Variants in HMCN1 observed in about 807,000 individuals in gnomAD.
HMCN1 encodes hemicentin-1.
Under a neutral mutation model 625.9 loss-of-function variants are expected in HMCN1, and 321 were observed. That is an observed-to-expected ratio of 0.51 (90% CI 0.47 to 0.56). The LOEUF (loss-of-function observed/expected upper bound fraction) is 0.56. HMCN1 is among the 20% of genes least tolerant of loss of function. The pLI is 0.00. For synonymous variants in HMCN1, 2,425 were observed against 2,417.6 expected (o/e 1.00, Z -0.09); for missense variants, 6,588 against 6,887.3 (o/e 0.96, Z 1.54).
intron 71 of HMCN1, among the ~76,000 whole-genome samples, chr1:186,112,463 T>C (rs1395835468): frequency 6.6e-6 from 1 of 152,196 alleles, no homozygotes; most frequent in African/African-American, 2.4e-5. Flanking sequence ...TAGGCTTAGG[T>C]CATCCTCACA....
chr1:186,150,477 T>C (rs898795116), intron 93 of HMCN1, among the ~76,000 whole-genome samples: 35 of 152,234 alleles, frequency 2.3e-4, no homozygotes, highest in African/African-American at 8.4e-4. Context: ...ATGAATTTTA[T>C]AGCACTGGCA....
intron 1 of HMCN1, among the ~76,000 whole-genome samples, chr1:185,737,219 A>G (rs1425042126): frequency 6.6e-6 from 1 of 151,646 alleles, no homozygotes; most frequent in East Asian, 1.9e-4. Flanking sequence ...CAGTAGCACT[A>G]TCATGGCTCA....
intron 23 of HMCN1, 168 bp downstream of exon 23, chr1:185,993,477 C>T (rs1459621003): frequency 1.5e-6 from 1 of 659,606 alleles, no homozygotes; most frequent in East Asian, 3.0e-5. Flanking sequence ...TCTGAAAAGT[C>T]TTCCTGCTAT....
At chr1:185,836,099 A>T (rs959174868) in intron 1 of HMCN1, among the ~76,000 whole-genome samples, 20 of 152,182 alleles carry the variant, frequency 1.3e-4, no homozygotes, top group Non-Finnish European at 5.9e-5. Context: ...TTAACAGATA[A>T]TGTCTTAAAT....
At chr1:185,907,666 T>G (rs1388890467) in intron 4 of HMCN1, among the ~76,000 whole-genome samples, 1 of 151,938 alleles carries the variant, frequency 6.6e-6, no homozygotes, top group Non-Finnish European at 1.5e-5. Context: ...TCAGATTACT[T>G]TACTTTGCCT....
intron 63 of HMCN1, among the ~76,000 whole-genome samples, chr1:186,089,148 G>T (rs752121672): frequency 6.6e-6 from 1 of 151,916 alleles, no homozygotes; most frequent in African/African-American, 2.4e-5. Context: ...TGATCTGACC[G>T]CAGGTAGATT....
chr1:186,123,187 T>A lies in HMCN1; in HGVS notation c.12466T>A (p.Ser4156Thr), dbSNP rs541990711. 6.2e-7 allele frequency: 1 copy of A among 1,613,950 alleles called. No homozygotes were observed. The highest frequency in any genetic ancestry group is 2.2e-5 in the East Asian group (1 of 44,858). The change falls in exon 81 of 107, where the codon TCA becomes ACA. Residue 4156 changes from serine (S) to threonine (T), a missense_variant. Physicochemically the swap from Ser to Thr is moderately conservative, Grantham distance 58. Coordinates refer to ENST00000271588, the MANE Select transcript of HMCN1 (RefSeq NM_031935.3). ...GTGCATGGCAGCCAATGTAGCAGGA[T>A]CAAGCAGCACAAGCACCAAGCTCAC... ...YTCMAANVAG[S>T]SSTSTKLTVH... is the part of the protein sequence containing the mutation.
chr1:185,923,350 C>T (rs1442005802), intron 7 of HMCN1, 40 bp from the exon 8 acceptor site: 3 of 1,503,296 alleles, frequency 2.0e-6, no homozygotes, highest in Non-Finnish European at 2.8e-6. Context: ...ACTTCAATTG[C>T]TTGTTTCTTG....
intron 4 of HMCN1, among the ~76,000 whole-genome samples, chr1:185,881,796 T>C (rs1279193834): frequency 6.6e-6 from 1 of 152,214 alleles, no homozygotes; most frequent in Non-Finnish European, 1.5e-5. Flanking sequence ...CATTTTCAGG[T>C]GAAGCTTCAA....
In HMCN1 at chr1:185,864,641, C is replaced by T; in HGVS notation, c.498+13C>T. On this transcript the variant is annotated intron_variant, in intron 3 of 106. Transcript: ENST00000271588. Reference sequence around the variant, plus strand: ...GAAACAGTCACAAGTGAGTAAGAATCAACCCCAAACGTCTCTGTCTAAATG... The same window carrying T: ...GAAACAGTCACAAGTGAGTAAGAATTAACCCCAAACGTCTCTGTCTAAATG... The T allele has an allele frequency of 6.2e-7, 1 of 1,612,788 alleles. No individual in the cohort carries two copies. The highest frequency in any genetic ancestry group is 8.5e-7 in the Non-Finnish European group (1 of 1,178,998).
chr1:185,751,621 C>T (rs533437089), intron 1 of HMCN1, among the ~76,000 whole-genome samples: 2 of 151,968 alleles, frequency 1.3e-5, no homozygotes, highest in African/African-American at 4.8e-5. Context: ...CTTCATAAAA[C>T]CTTGTTAAGT....
chr1:186,103,907 T>C (rs1660496518), intron 69 of HMCN1, among the ~76,000 whole-genome samples: 1 of 152,166 alleles, frequency 6.6e-6, no homozygotes, highest in South Asian at 2.1e-4. Flanking sequence ...TTTGCAAGTT[T>C]TCACAGTGCT....
At chr1:186,065,451 T>C (rs773467183) in intron 49 of HMCN1, 22 bp downstream of exon 49, 4 of 1,532,726 alleles carry the variant, frequency 2.6e-6, no homozygotes, top group Non-Finnish European at 3.5e-6. Context: ...CTTTTCTTCA[T>C]ATCTTAAAGA....
At position 186,137,922 on chromosome 1, in the gene HMCN1, G is replaced by A. The variant is rs1649718920; in HGVS notation, c.13874G>A (p.Cys4625Tyr). Reference protein sequence around the residue: ...NPSVQHGGRPCEGNAVEIIMC... With the variant: ...NPSVQHGGRPYEGNAVEIIMC... The stretch of plus-strand genomic sequence containing the variant: ...TCAGTTCAGCATGGTGGGCGGCCAT[G>A]TGAAGGGAATGCTGTGGAAATAATT... Residue 4625 changes from cysteine to tyrosine, a missense_variant, in exon 89 of 107, where the codon TGT (cysteine) becomes TAT (tyrosine). This residue lies in a region of HMCN1 where 1,954 missense variants were observed against 2,013.1 expected (regional missense o/e 0.97). Coordinates refer to ENST00000271588, the MANE Select transcript of HMCN1 (RefSeq NM_031935.3). 5 of 1,613,954 alleles carry A rather than the reference G, an allele frequency of 3.1e-6. No homozygotes were observed. Among genetic ancestry groups the A allele is most frequent in the Non-Finnish European group, 4.2e-6 (5 of 1,179,980 alleles).
chr1:186,070,157 A>G (rs185114391), intron 51 of HMCN1, among the ~76,000 whole-genome samples: 41 of 152,352 alleles, frequency 2.7e-4, no homozygotes, highest in Admixed American at 5.2e-4. Context: ...GAGCTATTCC[A>G]ATGTACATTG....
chr1:186,040,023 C>A (rs1166288410), intron 39 of HMCN1, 144 bp downstream of exon 39: 1 of 794,006 alleles, frequency 1.3e-6, no homozygotes, highest in African/African-American at 1.7e-5. Context: ...CCATAAACAC[C>A]ATGGACACAT....
rs555189717 is a variant in HMCN1 at position 186,024,546 on chromosome 1, C to A, written c.5749+1393C>A. Among the ~76,000 whole-genome samples, 8 of 152,234 alleles carry A rather than the reference C, an allele frequency of 5.3e-5. No homozygotes were observed. In the East Asian group the frequency reaches 1.4e-3, roughly 26 times the overall value. Reference sequence around the variant, plus strand: ...TGAAGTGGGATACAATGGCATGATACAATCATCTTAGGCGCTTAGGAGTCA... The same window carrying A: ...TGAAGTGGGATACAATGGCATGATAAAATCATCTTAGGCGCTTAGGAGTCA... On this transcript the variant is annotated intron_variant, in intron 36 of 106. Coordinates refer to ENST00000271588, the MANE Select transcript of HMCN1 (RefSeq NM_031935.3).
In HMCN1 at chr1:186,168,001, G is replaced by A. The variant is rs537947658; in HGVS notation, c.15574+1059G>A. ...AATGTCTATCAATAAATGACGCATG[G>A]TACATCTACACCCATGAACCATTGT... On this transcript the variant is annotated intron_variant, in intron 100 of 106. Coordinates refer to ENST00000271588, the MANE Select transcript of HMCN1 (RefSeq NM_031935.3). Among the ~76,000 whole-genome samples the A allele has an allele frequency of 1.1e-3, 165 of 151,464 alleles. 1 individual carries two copies. Among genetic ancestry groups the A allele is most frequent in the African/African-American group, 3.9e-3 (161 of 41,216 alleles).
intron 1 of HMCN1, among the ~76,000 whole-genome samples, chr1:185,839,918 T>G (rs1661379797): frequency 6.6e-6 from 1 of 152,236 alleles, no homozygotes; most frequent in Non-Finnish European, 1.5e-5. Context: ...TTAGATAATA[T>G]GCTGTGCATG....
Sources: allele counts gnomAD v4.1 joint callset (sites outside exome capture counted in the v4.1 genomes callset), GRCh38; gene constraint gnomAD v4.1.1; regional missense constraint gnomAD v4.1.1; transcripts MANE v1.5; gene names NCBI Gene and HGNC (gene_info 2026-07-23, HGNC 2026-07-21).